The following MGA variants were observed in gnomAD, a reference collection of about 807,000 sequenced individuals.
The protein encoded by MGA is MAX gene-associated protein.
MGA carries 40 observed loss-of-function variants against 261.1 expected under a neutral mutation model. The ratio of observed to expected loss-of-function variants is 0.15; its 90% CI spans 0.12 to 0.20. The LOEUF is 0.20. Among genes scored for constraint, MGA ranks in the 10% least tolerant of loss-of-function variants. The pLI, the probability that MGA is intolerant of heterozygous loss-of-function variation, is 1.00. For missense variants in MGA, 3,397 were observed against 3,630.5 expected (o/e 0.94, Z 1.65); for synonymous variants, 1,302 against 1,290.6 (o/e 1.01, Z -0.19).
chr15:41,689,326 CCTCTCTCCCTCT>C (rs1485540833), intron 2 of MGA, among the ~76,000 whole-genome samples: 2 of 150,780 alleles, frequency 1.3e-5, no homozygotes, highest in African/African-American at 4.9e-5. Context: ...TCTCTCCCTA[CCTCTCTCCCTCT>C]CTTCTCCCTC....
At chr15:41,749,071 A>G (rs2062680639) in intron 16 of MGA, 40 bp from the exon 17 acceptor site, 2 of 1,576,758 alleles carry the variant, frequency 1.3e-6, no homozygotes, top group East Asian at 2.2e-5. Context: ...TGATATGGGC[A>G]GTCATGATTT....
intron 5 of MGA, among the ~76,000 whole-genome samples, chr15:41,699,975 A>G (rs1188720150): frequency 2.7e-5 from 4 of 149,728 alleles, no homozygotes; most frequent in Non-Finnish European, 5.9e-5. Context: ...CGTGTACAGA[A>G]TGTGCAGGTT....
At chr15:41,660,832 GCTCGGC>G (rs1017484759) in intron 1 of MGA, among the ~76,000 whole-genome samples, 22 of 152,218 alleles carry the variant, frequency 1.4e-4, no homozygotes, top group African/African-American at 5.1e-4. Context: ...AGCGCCCATG[GCTCGGC>G]CCTGCCCTCG....
intron 19 of MGA, among the ~76,000 whole-genome samples, chr15:41,759,871 A>G (rs2063355425): frequency 6.6e-6 from 1 of 152,160 alleles, no homozygotes; most frequent in South Asian, 2.1e-4. Flanking sequence ...GGGAATTTCT[A>G]GCAGATAGGA....
intron 1 of MGA, among the ~76,000 whole-genome samples, chr15:41,662,102 A>G (rs1034201551): frequency 1.3e-5 from 2 of 152,072 alleles, no homozygotes; most frequent in Non-Finnish European, 2.9e-5. Context: ...GTATCGGAAC[A>G]GCGCTAGTGT....
chr15:41,750,862 C>A, intron 17 of MGA: 1 of 367,848 alleles, frequency 2.7e-6, no homozygotes. Flanking sequence ...GGGATAGGTG[C>A]TTGAGAGTCC....
Position 41,696,773 on chromosome 15 carries a change from C to T in MGA, c.1763C>T (p.Thr588Ile). 1.9e-6 allele frequency: 3 copies of T among 1,608,594 alleles called. No homozygotes were observed. Among genetic ancestry groups the T allele is most frequent in the Non-Finnish European group, 2.5e-6 (3 of 1,177,406 alleles). ...AAAGAGGACTTGGGCAGAAAGAGAA[C>T]AACTATGCTTAAGATTGCAACAGCC... Residue 588 changes from threonine to isoleucine, a missense_variant, in exon 3 of 24, where the codon ACA (threonine) becomes ATA (isoleucine). Thr to Ile is a moderately conservative substitution (Grantham distance 89, BLOSUM62 -1). This residue lies in a region of MGA where 563 missense variants were observed against 563.6 expected (regional missense o/e 1.00). Coordinates refer to ENST00000219905, the MANE Select transcript of MGA (RefSeq NM_001164273.2).
At chr15:41,752,549 G>GTTT (rs35282917) in intron 17 of MGA, among the ~76,000 whole-genome samples, 3,400 of 102,084 alleles carry the variant, frequency 0.033, 95 homozygotes, top group Non-Finnish European at 0.053. Context: ...AACCTTTAAA[G>GTTT]TTTTTTTTTT....
At chr15:41,682,502 A>C (rs2058736379) in intron 2 of MGA, among the ~76,000 whole-genome samples, 1 of 151,450 alleles carries the variant, frequency 6.6e-6, no homozygotes, top group Non-Finnish European at 1.5e-5. Context: ...TTTTTTTGAG[A>C]TGGAATCTCG....
intron 13 of MGA, among the ~76,000 whole-genome samples, chr15:41,738,505 TTGA>T (rs1356066366): frequency 1.3e-5 from 2 of 152,222 alleles, no homozygotes. Flanking sequence ...TCTTATACTC[TTGA>T]TGAGGAGAAC....
chr15:41,731,190 A>G (rs1051307449), intron 11 of MGA, among the ~76,000 whole-genome samples: 1 of 152,192 alleles, frequency 6.6e-6, no homozygotes, highest in Non-Finnish European at 1.5e-5. Flanking sequence ...ACCTATAAAC[A>G]GTATTTAAAA....
intron 2 of MGA, among the ~76,000 whole-genome samples, chr15:41,675,079 G>A (rs2058304588): frequency 1.3e-5 from 2 of 152,160 alleles, no homozygotes; most frequent in African/African-American, 4.8e-5. Context: ...GTTTTTGACT[G>A]TTATGAATAA....
In MGA at chr15:41,669,445, A is replaced by G; in HGVS notation, c.551A>G (p.Asn184Ser). ...TTCTATAAACTCAAACTTACCAACA[A>G]TACACTGGACCAAGAAGGGCATATC... Residue 184 changes from asparagine (N) to serine (S), a missense_variant, in exon 2 of 24, where the codon AAT becomes AGT. Asn to Ser is a conservative substitution (Grantham distance 46, BLOSUM62 1). This residue lies in a region of MGA where 104 missense variants were observed against 212.9 expected (regional missense o/e 0.49). Transcript: ENST00000219905. 1 of 1,613,962 alleles carries G rather than the reference A, an allele frequency of 6.2e-7. No homozygotes were observed. The highest frequency in any genetic ancestry group is 8.5e-7 in the Non-Finnish European group (1 of 1,179,888).
intron 7 of MGA, among the ~76,000 whole-genome samples, chr15:41,710,028 T>C (rs933586570): frequency 4.6e-5 from 7 of 152,088 alleles, no homozygotes; most frequent in African/African-American, 1.4e-4. Context: ...GTTTTCTCCA[T>C]GTTGGTCAGG....
chr15:41,624,522 A>G (rs1258977704), intron 1 of MGA, among the ~76,000 whole-genome samples: 1 of 152,076 alleles, frequency 6.6e-6, no homozygotes, highest in African/African-American at 2.4e-5. Flanking sequence ...TTTAGTAGAG[A>G]CGGGGTTTCA....
chr15:41,625,945 A>G (rs1358577750), intron 1 of MGA, among the ~76,000 whole-genome samples: 1 of 152,158 alleles, frequency 6.6e-6, no homozygotes. Flanking sequence ...TCTGCTGTCA[A>G]CTGTGGTCTG....
At chr15:41,686,842 T>TA (rs145872623) in intron 2 of MGA, among the ~76,000 whole-genome samples, 1,991 of 152,300 alleles carry the variant, frequency 0.013, 40 homozygotes, top group African/African-American at 0.046. Flanking sequence ...GCCATGATGA[T>TA]ATCATCCTTT....
intron 1 of MGA, among the ~76,000 whole-genome samples, chr15:41,668,367 A>G (rs2062277933): frequency 6.6e-6 from 1 of 152,168 alleles, no homozygotes; most frequent in Admixed American, 6.5e-5. Context: ...ATTCTGTACA[A>G]TTAGCTCTTT....
At chr15:41,656,070 T>C (rs1048906797), upstream of MGA, among the ~76,000 whole-genome samples, 3 of 152,162 alleles carry the variant, frequency 2.0e-5, no homozygotes, top group Admixed American at 2.0e-4. Context: ...TAATACGTGG[T>C]TTTAAAAATA....
Sources: gnomAD v4.1 joint callset for allele counts (sites outside exome capture counted in the v4.1 genomes callset) on GRCh38, gnomAD v4.1.1 for gene constraint, gnomAD v4.1.1 regional missense constraint, MANE v1.5 for transcripts, NCBI Gene and HGNC (gene_info 2026-07-23, HGNC 2026-07-21) for gene names.